Variants in LAMA2 observed in about 807,000 individuals in gnomAD.
The protein encoded by LAMA2 is laminin subunit alpha-2.
A neutral mutation model predicts 364.8 loss-of-function variants in LAMA2; 269 were observed. The ratio of observed to expected loss-of-function variants is 0.74; its 90% CI spans 0.67 to 0.82. LAMA2 has a LOEUF of 0.82. Among genes scored for constraint, LAMA2 ranks in the 40% least tolerant of loss-of-function variants. The pLI is 0.00. For synonymous variants in LAMA2, 1,379 were observed against 1,370.6 expected (o/e 1.01, Z -0.14); for missense variants, 3,807 against 3,873.2 (o/e 0.98, Z 0.45).
Position 129,246,795 on chromosome 6 carries a change from G to A in LAMA2, c.1783-3317G>A, listed in dbSNP as rs552864974. Among the ~76,000 whole-genome samples the A allele has an allele frequency of 3.4e-4, 51 of 152,204 alleles. No homozygotes were observed. In the South Asian group the frequency reaches 9.3e-3, roughly 28 times the overall value. ...GGGCAAGGAGGCACAAAACGAAGGC[G>A]GCACCTGGAACATGGAGGAGTGGAC... On this transcript the variant is annotated intron_variant, in intron 12 of 64. Coordinates refer to ENST00000421865, the MANE Select transcript of LAMA2 (RefSeq NM_000426.4).
intron 1 of LAMA2, among the ~76,000 whole-genome samples, chr6:129,037,624 C>T (rs758118169): frequency 1.1e-4 from 16 of 151,326 alleles, no homozygotes; most frequent in South Asian, 2.1e-4. Context: ...ATGCCAAGTA[C>T]GGACAATGAA....
intron 41 of LAMA2, among the ~76,000 whole-genome samples, chr6:129,429,173 A>G (rs1781470495): frequency 6.6e-6 from 1 of 152,162 alleles, no homozygotes; most frequent in East Asian, 1.9e-4. Flanking sequence ...TCTGATTTAC[A>G]TGCCCCCTCT....
At chr6:129,252,450 C>T (rs898754661) in intron 14 of LAMA2, among the ~76,000 whole-genome samples, 155 bp downstream of exon 14, 2 of 152,120 alleles carry the variant, frequency 1.3e-5, no homozygotes, top group Non-Finnish European at 2.9e-5. Context: ...AGATTTTTCT[C>T]TTAAACCTTT....
intron 4 of LAMA2, 32 bp from the exon 5 acceptor site, chr6:129,143,869 A>C (rs771974907): frequency 2.0e-6 from 3 of 1,486,494 alleles, no homozygotes; most frequent in Non-Finnish European, 2.8e-6. Context: ...TTTGGAAAAC[A>C]TAATTGTTAA....
intron 1 of LAMA2, among the ~76,000 whole-genome samples, chr6:129,018,534 TAAA>T: frequency 7.2e-6 from 1 of 139,236 alleles, no homozygotes; most frequent in Admixed American, 7.2e-5. Flanking sequence ...ACTTGAGATT[TAAA>T]AAAAAAAAAA....
At position 129,461,016 on chromosome 6, in the gene LAMA2, C is replaced by T. The variant is rs573923539; in HGVS notation, c.6992+692C>T. Among the ~76,000 whole-genome samples, 322 of 151,906 alleles carry T rather than the reference C, an allele frequency of 2.1e-3. 2 individuals carry two copies. The highest frequency in any genetic ancestry group is 7.3e-3 in the African/African-American group (304 of 41,448). ...ACTAAGCATGTGTAGAGAATAAACACTTTTATATAAAAATGAATACAGGAT... is the reference window on the plus strand; with the variant it reads ...ACTAAGCATGTGTAGAGAATAAACATTTTTATATAAAAATGAATACAGGAT... On this transcript the variant is annotated intron_variant, in intron 49 of 64. Coordinates refer to ENST00000421865, the MANE Select transcript of LAMA2 (RefSeq NM_000426.4).
intron 1 of LAMA2, among the ~76,000 whole-genome samples, chr6:129,041,151 C>T (rs1370846132): frequency 6.6e-6 from 1 of 152,208 alleles, no homozygotes; most frequent in Non-Finnish European, 1.5e-5. Flanking sequence ...CACCAGACAA[C>T]AACCTTCTTC....
chr6:128,927,798 T>C (rs1383080997), intron 1 of LAMA2, among the ~76,000 whole-genome samples: 2 of 152,354 alleles, frequency 1.3e-5, no homozygotes, highest in South Asian at 4.1e-4. Context: ...TAAACACTTA[T>C]TCCAGTTTCA....
At chr6:128,905,325 G>GTTTT (rs1777366229) in intron 1 of LAMA2, 1 of 151,856 alleles carries the variant, frequency 6.6e-6, no homozygotes, top group African/African-American at 2.4e-5. Flanking sequence ...TGGAAAATAT[G>GTTTT]GTTTATTGAG....
chr6:129,121,546 G>C (rs1776807723), intron 4 of LAMA2, among the ~76,000 whole-genome samples: 1 of 152,078 alleles, frequency 6.6e-6, no homozygotes, highest in Admixed American at 6.5e-5. Context: ...TTACATATTA[G>C]AAGTGGCATA....
chr6:128,940,940 G>A (rs1359206191), intron 1 of LAMA2, among the ~76,000 whole-genome samples: 1 of 152,158 alleles, frequency 6.6e-6, no homozygotes, highest in Non-Finnish European at 1.5e-5. Flanking sequence ...GACAGAGCAA[G>A]AGCCTGTCCC....
intron 1 of LAMA2, among the ~76,000 whole-genome samples, chr6:128,899,875 G>T (rs1163671782): frequency 1.3e-5 from 2 of 152,096 alleles, no homozygotes; most frequent in Admixed American, 6.5e-5. Context: ...AACTTTTCTG[G>T]ATGGAAGGTC....
chr6:128,949,028 C>T (rs555477903), intron 1 of LAMA2, among the ~76,000 whole-genome samples: 5 of 152,196 alleles, frequency 3.3e-5, no homozygotes, highest in African/African-American at 4.8e-5. Flanking sequence ...TAGTGCACAT[C>T]CCCCCGATGT....
intron 21 of LAMA2, among the ~76,000 whole-genome samples, 153 bp downstream of exon 21, chr6:129,298,018 T>C (rs1773303129): frequency 6.6e-6 from 1 of 152,266 alleles, no homozygotes; most frequent in Non-Finnish European, 1.5e-5. Flanking sequence ...ACTTAAAAAA[T>C]GAAATACATG....
At chr6:128,920,979 A>G (rs1778672834) in intron 1 of LAMA2, among the ~76,000 whole-genome samples, 1 of 152,198 alleles carries the variant, frequency 6.6e-6, no homozygotes, top group South Asian at 2.1e-4. Context: ...GGACAACTAC[A>G]TTCCATTTCT....
chr6:128,944,231 A>C (rs576254805), intron 1 of LAMA2, among the ~76,000 whole-genome samples: 1 of 152,172 alleles, frequency 6.6e-6, no homozygotes, highest in South Asian at 2.1e-4. Context: ...CAGTTAAGGT[A>C]CCCCACCTAG....
intron 56 of LAMA2, among the ~76,000 whole-genome samples, chr6:129,489,167 C>T (rs995225189): frequency 2.0e-5 from 3 of 152,172 alleles, no homozygotes; most frequent in African/African-American, 4.8e-5. Flanking sequence ...TATCCCAACA[C>T]TTTTCAGATT....
chr6:129,309,496 A>G (rs779839737), intron 22 of LAMA2, among the ~76,000 whole-genome samples: 2 of 152,254 alleles, frequency 1.3e-5, no homozygotes, highest in Non-Finnish European at 2.9e-5. Flanking sequence ...AGTTAAAGAT[A>G]AAGATGCCTC....
intron 27 of LAMA2, among the ~76,000 whole-genome samples, chr6:129,320,285 G>C (rs1474183226): frequency 6.6e-6 from 1 of 152,084 alleles, no homozygotes; most frequent in African/African-American, 2.4e-5. Flanking sequence ...GAAGAGGAGG[G>C]ATTGGTCCTG....
Sources: allele counts gnomAD v4.1 joint callset (sites outside exome capture counted in the v4.1 genomes callset), GRCh38; gene constraint gnomAD v4.1.1; transcripts MANE v1.5; gene names NCBI Gene and HGNC (gene_info 2026-07-23, HGNC 2026-07-21).